The following TRIM36 variants were observed in gnomAD, a reference collection of about 807,000 sequenced individuals.
The protein encoded by TRIM36 is E3 ubiquitin-protein ligase TRIM36.
Under a neutral mutation model 72.4 loss-of-function variants are expected in TRIM36, and 42 were observed. The ratio of observed to expected loss-of-function variants is 0.58; its 90% confidence interval spans 0.45 to 0.75. The LOEUF is 0.75. Among genes scored for constraint, TRIM36 ranks in the 30% least tolerant of loss-of-function variants. The pLI is 0.00. For synonymous variants in TRIM36, 315 were observed against 282.8 expected, an observed-to-expected ratio of 1.11 and a Z score of -1.14; for missense variants, 913 against 857.1, an observed-to-expected ratio of 1.07 and a Z score of -0.81.
chr5:115,146,316 T>C (rs1043007347), intron 3 of TRIM36, among the ~76,000 whole-genome samples: 30 of 152,186 alleles, frequency 2.0e-4, no homozygotes, highest in Admixed American at 1.9e-3. Context: ...CATTTTTTAT[T>C]ACAAATTAAA....
chr5:115,142,765 T>A (rs1753345798), intron 4 of TRIM36, among the ~76,000 whole-genome samples: 1 of 152,132 alleles, frequency 6.6e-6, no homozygotes, highest in Admixed American at 6.5e-5. Context: ...AAATAGGCAT[T>A]GAAGATTAAA....
At chr5:115,158,769 T>C (rs1026312502) in intron 2 of TRIM36, among the ~76,000 whole-genome samples, 28 of 152,242 alleles carry the variant, frequency 1.8e-4, no homozygotes, top group African/African-American at 6.3e-4. Flanking sequence ...AGTAGCTTTT[T>C]TAAAGCAAAC....
In TRIM36 at chr5:115,124,949, G is replaced by A. The variant is rs1434308358; in HGVS notation, c.*1554C>T. On this transcript the variant is annotated 3_prime_UTR_variant, in exon 10 of 10. Transcript: ENST00000513154. ...GACTTTAGCAGCTTTATTGCATAAT[G>A]ATCCACATAACGCTGCATTATTTGC... 2 of 152,466 alleles carry A rather than the reference G, an allele frequency of 1.3e-5. No homozygotes were observed. Among genetic ancestry groups the A allele is most frequent in the African/African-American group, 4.8e-5 (2 of 41,430 alleles). The allele number at this position is 152,466 out of a possible 1,614,324, so 9.4% of individuals were successfully genotyped here.
At chr5:115,177,789 G>C (rs748735019) in intron 1 of TRIM36, 10 of 1,614,038 alleles carry the variant, frequency 6.2e-6, no homozygotes, top group Non-Finnish European at 8.5e-6. Context: ...CAACCTCAGA[G>C]ATTTCAAAGG....
chr5:115,180,045 C>G, exon 1 of TRIM36: 1 of 1,613,514 alleles, frequency 6.2e-7, no homozygotes, highest in Non-Finnish European at 8.5e-7. Context: ...CATGTTTACA[C>G]CCCTTCACAA....
intron 2 of TRIM36, among the ~76,000 whole-genome samples, chr5:115,159,170 T>C (rs781606881): frequency 3.9e-5 from 6 of 152,134 alleles, no homozygotes; most frequent in Non-Finnish European, 8.8e-5. Context: ...CCAAGTACTT[T>C]AAAACATCAA....
Position 115,169,718 on chromosome 5 carries a change from G to A in TRIM36, c.-84C>T, listed in dbSNP as rs2126946916. 2.0e-6 allele frequency: 3 copies of A among 1,486,134 alleles called. No individual in the cohort carries two copies. Among genetic ancestry groups the A allele is most frequent in the Admixed American group, 2.1e-5 (1 of 46,656 alleles). The allele number at this position is 1,486,134 out of a possible 1,614,324, so 92.1% of individuals were successfully genotyped here. ...CAGGGTCTGGTGGGCGGGTCCCTGC[G>A]GCGGCCGTGGAGCCTCGGTCCGAAG... On this transcript the variant is annotated 5_prime_UTR_variant, in exon 1 of 10. Transcript: ENST00000513154.
Position 115,137,629 on chromosome 5 carries a change from A to G in TRIM36, c.832-13T>C. The G allele has an allele frequency of 6.3e-7, 1 of 1,575,148 alleles. No individual in the cohort carries two copies. ...TCTCTCCATTACACTAAGAAAAAAC[A>G]GTATCTCCATTACACTAAGATAAAA... is the stretch of plus-strand genomic sequence containing the variant. On this transcript the variant is annotated splice_polypyrimidine_tract_variant and intron_variant, in intron 5 of 9. Transcript: ENST00000513154.
intron 8 of TRIM36, among the ~76,000 whole-genome samples, chr5:115,131,412 A>C (rs1295290830): frequency 6.6e-6 from 1 of 152,188 alleles, no homozygotes; most frequent in Non-Finnish European, 1.5e-5. Context: ...GGGTTGAGAG[A>C]GACCTGGGTT....
chr5:115,141,297 C>CTA lies in TRIM36; in HGVS notation c.812_813insTA (p.Leu271PhefsTer3), dbSNP rs779068607. The stretch of plus-strand genomic sequence containing the variant: ...CACTTACCTCTGTTTCTTTCATTAA[C>CTA]AAGTTTAGTTCAGATATTTGACTCT... On this transcript the variant is annotated frameshift_variant, in exon 5 of 10. Transcript: ENST00000513154. LOFTEE classifies it high-confidence loss of function. 6.3e-7 allele frequency: 1 copy of CTA among 1,599,498 alleles called. No individual in the cohort carries two copies. The highest frequency in any genetic ancestry group is 1.1e-5 in the South Asian group (1 of 87,848).
intron 2 of TRIM36, among the ~76,000 whole-genome samples, chr5:115,162,601 T>C (rs1754540947): frequency 6.6e-6 from 1 of 152,230 alleles, no homozygotes; most frequent in African/African-American, 2.4e-5. Flanking sequence ...AAATATCTAG[T>C]ACATAACTAA....
chr5:115,180,180 G>A (rs530836280), upstream of TRIM36: 6 of 768,610 alleles, frequency 7.8e-6, no homozygotes, highest in African/African-American at 9.0e-5. Flanking sequence ...GGAAGCGCCG[G>A]GGAAAGCAAG....
chr5:115,166,390 C>A (rs2126938723), intron 1 of TRIM36, among the ~76,000 whole-genome samples: 1 of 152,260 alleles, frequency 6.6e-6, no homozygotes, highest in East Asian at 1.9e-4. Context: ...CCACTGAGGA[C>A]TGCACACTCG....
intron 2 of TRIM36, among the ~76,000 whole-genome samples, chr5:115,158,335 ACT>A (rs1235674989): frequency 2.6e-5 from 4 of 152,106 alleles, no homozygotes; most frequent in Non-Finnish European, 5.9e-5. Context: ...TAAAATAAAG[ACT>A]CTAAAAAATT....
chr5:115,172,502 G>A (rs777132274), upstream of TRIM36, among the ~76,000 whole-genome samples: 7 of 152,180 alleles, frequency 4.6e-5, no homozygotes, highest in Non-Finnish European at 1.0e-4. Flanking sequence ...TTGGGAGGCC[G>A]AGGCAGGTGG....
chr5:115,179,658 A>G (rs1290154284), intron 1 of TRIM36, among the ~76,000 whole-genome samples: 1 of 152,114 alleles, frequency 6.6e-6, no homozygotes, highest in Non-Finnish European at 1.5e-5. Context: ...CCCTTGGCCA[A>G]CGCCCCGCCC....
chr5:115,168,208 A>C (rs1754898623), intron 1 of TRIM36, among the ~76,000 whole-genome samples: 1 of 152,200 alleles, frequency 6.6e-6, no homozygotes, highest in Non-Finnish European at 1.5e-5. Flanking sequence ...GACCCTTTAA[A>C]AAGGTGTATA....
upstream of TRIM36, among the ~76,000 whole-genome samples, chr5:115,172,559 A>AG (rs1165306076): frequency 6.6e-6 from 1 of 151,962 alleles, no homozygotes; most frequent in Non-Finnish European, 1.5e-5. Flanking sequence ...AACATGGTGA[A>AG]ACCCCCCCTT....
chr5:115,159,164 G>A (rs552477029), intron 2 of TRIM36, among the ~76,000 whole-genome samples: 1 of 152,092 alleles, frequency 6.6e-6, no homozygotes, highest in African/African-American at 2.4e-5. Flanking sequence ...CTGATGCCAA[G>A]TACTTTAAAA....
Sources: allele counts gnomAD v4.1 joint callset (sites outside exome capture counted in the v4.1 genomes callset), GRCh38; gene constraint gnomAD v4.1.1; transcripts MANE v1.5; gene names NCBI Gene and HGNC (gene_info 2026-07-23, HGNC 2026-07-21).